The following GLS variants were observed in gnomAD, a reference collection of about 807,000 sequenced individuals.
GLS encodes glutaminase.
GLS carries 36 observed loss-of-function variants against 86.7 expected under a neutral mutation model. That is an observed-to-expected ratio of 0.42 (90% CI 0.32 to 0.55). The LOEUF (loss-of-function observed/expected upper bound fraction) is 0.55. GLS is among the 20% of genes least tolerant of loss of function. GLS has a pLI of 0.17. For synonymous variants in GLS, 317 were observed against 305.9 expected (o/e 1.04, Z -0.38); for missense variants, 528 against 833.4 (o/e 0.63, Z 4.51).
chr2:190,941,523 A>G (rs892783363), intron 14 of GLS, among the ~76,000 whole-genome samples: 4 of 145,330 alleles, frequency 2.8e-5, no homozygotes, highest in Non-Finnish European at 6.0e-5. Flanking sequence ...AAATATAATG[A>G]TAATGATAGA....
At chr2:190,892,075 T>C (rs1688582306) in intron 1 of GLS, among the ~76,000 whole-genome samples, 1 of 152,066 alleles carries the variant, frequency 6.6e-6, no homozygotes, top group African/African-American at 2.4e-5. Flanking sequence ...TTCCTCATTT[T>C]ATGTACATGT....
At chr2:190,900,375 G>T (rs1329222605) in intron 3 of GLS, among the ~76,000 whole-genome samples, 189 bp from the exon 4 acceptor site, 1 of 152,128 alleles carries the variant, frequency 6.6e-6, no homozygotes, top group Non-Finnish European at 1.5e-5. Context: ...ACGTTCAACA[G>T]CTTACAAGCA....
At chr2:190,942,983 A>T (rs1389517475) in intron 14 of GLS, among the ~76,000 whole-genome samples, 1 of 152,178 alleles carries the variant, frequency 6.6e-6, no homozygotes, top group Non-Finnish European at 1.5e-5. Context: ...AAAGTGGGAG[A>T]AAAAGAAAAG....
intron 1 of GLS, among the ~76,000 whole-genome samples, chr2:190,891,922 CTT>C (rs1414758151): frequency 3.9e-5 from 6 of 152,084 alleles, no homozygotes; most frequent in Non-Finnish European, 8.8e-5. Context: ...TGCCAGAAAT[CTT>C]TTTCTGTTGC....
At chr2:190,960,381 T>TG (rs1553489697) in intron 17 of GLS, among the ~76,000 whole-genome samples, 1 of 146,048 alleles carries the variant, frequency 6.8e-6, no homozygotes, top group Non-Finnish European at 1.5e-5. Flanking sequence ...TTTTTTTTTT[T>TG]GAGACTGGGT....
intron 1 of GLS, among the ~76,000 whole-genome samples, chr2:190,892,996 A>G (rs1446226614): frequency 1.3e-5 from 2 of 152,220 alleles, no homozygotes; most frequent in East Asian, 3.8e-4. Context: ...CAAAGCAAAT[A>G]CCATTTACTT....
rs1337613090 is a variant in GLS, at chr2:190,900,755, A to T, written c.735+62A>T. ...CACTTAATAAATTCAGCTTAATTTG[A>T]GGTCTAGAGAGTAAATTGTGTAGTT... On this transcript the variant is annotated intron_variant, in intron 4 of 17. Transcript: ENST00000320717. The T allele has an allele frequency of 5.5e-6, 7 of 1,282,684 alleles. No individual in the cohort carries two copies. In the East Asian group the frequency reaches 1.7e-4, roughly 31 times the overall value. 79.5% of individuals were successfully genotyped at this position (1,282,684 alleles called of 1,614,324 possible). A position where few individuals can be genotyped will look rare whatever the true frequency, so the allele number is the denominator to read the frequency against.
intron 1 of GLS, among the ~76,000 whole-genome samples, chr2:190,888,748 C>T (rs564708275): frequency 9.2e-5 from 14 of 152,232 alleles, no homozygotes; most frequent in Admixed American, 2.6e-4. Flanking sequence ...CTGCTTTAAC[C>T]AGTACTCTTA....
At chr2:190,885,677 C>T (rs1688354227) in intron 1 of GLS, among the ~76,000 whole-genome samples, 1 of 152,064 alleles carries the variant, frequency 6.6e-6, no homozygotes, top group Non-Finnish European at 1.5e-5. Flanking sequence ...TTCAGTATTG[C>T]ATTTGGTTTT....
At chr2:190,928,862 C>T (rs965098971) in intron 12 of GLS, among the ~76,000 whole-genome samples, 8 of 103,120 alleles carry the variant, frequency 7.8e-5, no homozygotes, top group South Asian at 3.1e-4. Flanking sequence ...CCTTGTATTT[C>T]CTATAAATTT....
At chr2:190,887,058 C>A (rs1056718669) in intron 1 of GLS, among the ~76,000 whole-genome samples, 5 of 152,096 alleles carry the variant, frequency 3.3e-5, no homozygotes, top group African/African-American at 1.2e-4. Flanking sequence ...CATGTTAAAT[C>A]CTATATAAAT....
chr2:190,963,036 A>G lies in GLS; in HGVS notation c.*50A>G, dbSNP rs1360519668. The G allele has an allele frequency of 7.7e-7, 1 of 1,298,262 alleles. No individual in the cohort carries two copies. The highest frequency in any genetic ancestry group is 1.1e-6 in the Non-Finnish European group (1 of 928,718). The allele number at this position is 1,298,262 out of a possible 1,614,324, so 80.4% of individuals were successfully genotyped here. A position where few individuals can be genotyped will look rare whatever the true frequency, so the allele number is the denominator to read the frequency against. ...TCACTTACCTATTTAATTGTGGAAA[A>G]TGATTATGAAGAACATGTGTATTTC... On this transcript the variant is annotated 3_prime_UTR_variant, in exon 18 of 18. Transcript: ENST00000320717.
chr2:190,928,459 C>G (rs1226693093), intron 12 of GLS, among the ~76,000 whole-genome samples: 1 of 151,338 alleles, frequency 6.6e-6, no homozygotes, highest in East Asian at 1.9e-4. Context: ...CTCAGCCTCC[C>G]GAGTAGCTGG....
In GLS at chr2:190,921,265, A is replaced by C; in HGVS notation, c.1130+62A>C. On this transcript the variant is annotated intron_variant, in intron 9 of 17. Coordinates refer to ENST00000320717, the MANE Select transcript of GLS (RefSeq NM_014905.5). This position sits in a 1 kb window ranked among gnomAD's most constrained non-coding sequence, Gnocchi z 4.2. ...ACACAACTGTATTTAGAATTGATCC[A>C]CTCTCTTTTCATTGGAGGGAAATGA... is the stretch of plus-strand genomic sequence containing the variant. 4 of 1,063,022 alleles carry C rather than the reference A, an allele frequency of 3.8e-6. No homozygotes were observed. Among genetic ancestry groups the C allele is most frequent in the Non-Finnish European group, 5.9e-6 (4 of 682,568 alleles). The allele number at this position is 1,063,022 out of a possible 1,614,324, so 65.8% of individuals were successfully genotyped here. A position where few individuals can be genotyped will look rare whatever the true frequency, so the allele number is the denominator to read the frequency against.
At chr2:190,934,088 CTGGTT>C in intron 14 of GLS, 5 of 976,216 alleles carry the variant, frequency 5.1e-6, no homozygotes, top group Non-Finnish European at 6.1e-6. Flanking sequence ...ATATACTTCT[CTGGTT>C]TTCCCCATAG....
intron 17 of GLS, among the ~76,000 whole-genome samples, chr2:190,958,053 G>A (rs1690904516): frequency 6.6e-6 from 1 of 152,076 alleles, no homozygotes; most frequent in African/African-American, 2.4e-5. Flanking sequence ...TTTTTCGGTT[G>A]GTAGGCTATT....
At chr2:190,960,690 A>T (rs1364729444) in intron 17 of GLS, among the ~76,000 whole-genome samples, 1 of 151,946 alleles carries the variant, frequency 6.6e-6, no homozygotes, top group African/African-American at 2.4e-5. Flanking sequence ...ATCTTTTTTA[A>T]AATTAGGGCT....
In GLS at chr2:190,920,427, A is replaced by T. The variant is rs1689693374; in HGVS notation, c.1039-597A>T. On this transcript the variant is annotated intron_variant, in intron 7 of 17. Transcript: ENST00000320717. This position sits in a 1 kb window ranked among gnomAD's most constrained non-coding sequence, Gnocchi z 4.2. ...AATTTTTTAGAGACTGTGAAATATA[A>T]TTTTTTTTAGTTCAAGTATATTATA... Among the ~76,000 whole-genome samples, 1 of 151,792 alleles carries T rather than the reference A, an allele frequency of 6.6e-6. No homozygotes were observed. The highest frequency in any genetic ancestry group is 6.6e-5 in the Admixed American group (1 of 15,234).
chr2:190,934,256 A>G, intron 14 of GLS: 1 of 955,082 alleles, frequency 1.0e-6, no homozygotes, highest in Non-Finnish European at 1.2e-6. Flanking sequence ...TTCACTGAGT[A>G]TTTTAGATAC....
Sources: allele counts gnomAD v4.1 joint callset (sites outside exome capture counted in the v4.1 genomes callset), GRCh38; gene constraint gnomAD v4.1.1; non-coding constraint Gnocchi (gnomAD v3.1); transcripts MANE v1.5; gene names NCBI Gene and HGNC (gene_info 2026-07-23, HGNC 2026-07-21).